Variants in KANK1 observed in about 807,000 individuals in gnomAD.
KANK1 encodes the protein KN motif and ankyrin repeat domain-containing protein 1.
KANK1 carries 109 observed loss-of-function variants against 106.2 expected under a neutral mutation model. The ratio of observed to expected loss-of-function variants is 1.03; its 90% CI spans 0.88 to 1.20. The LOEUF (loss-of-function observed/expected upper bound fraction) is 1.20. KANK1 is among the 50% of genes most tolerant of loss of function. The pLI is 0.00. For missense variants in KANK1, 2,399 were observed against 1,710.7 expected, an observed-to-expected ratio of 1.40 and a Z score of -7.10; for synonymous variants, 873 against 652.2, an observed-to-expected ratio of 1.34 and a Z score of -5.16.
intron 1 of KANK1, among the ~76,000 whole-genome samples, chr9:519,616 G>A (rs992633752): frequency 6.6e-5 from 10 of 151,648 alleles, no homozygotes; most frequent in South Asian, 2.1e-4. Flanking sequence ...GAATGATTTC[G>A]ACCTCTCATA....
intron 3 of KANK1, among the ~76,000 whole-genome samples, chr9:492,511 T>A (rs976297517): frequency 1.3e-4 from 20 of 152,150 alleles, no homozygotes; most frequent in African/African-American, 4.6e-4. Flanking sequence ...TTAGAGCTGT[T>A]AAGGGTTGCC....
At chr9:532,754 A>T (rs958190139) in intron 1 of KANK1, among the ~76,000 whole-genome samples, 1 of 152,112 alleles carries the variant, frequency 6.6e-6, no homozygotes, top group African/African-American at 2.4e-5. Context: ...AAGTGCGTAA[A>T]ACTGCTTCAG....
chr9:723,524 C>T lies in KANK1; in HGVS notation c.2699-6527C>T, dbSNP rs139107841. ...TCCTGTGTCCTAGCTACTCCAAAGG[C>T]CAAGGTGGGAGGATTGCTTGAGCCC... On this transcript the variant is annotated intron_variant, in intron 3 of 11. Transcript: ENST00000382297. Among the ~76,000 whole-genome samples the T allele has an allele frequency of 2.6e-5, 4 of 152,170 alleles. No individual in the cohort carries two copies. The East Asian group carries it at 5.8e-4, about 22-fold the overall frequency.
At chr9:561,377 A>G (rs369859161) in intron 1 of KANK1, among the ~76,000 whole-genome samples, 1 of 152,234 alleles carries the variant, frequency 6.6e-6, no homozygotes, top group Admixed American at 6.5e-5. Flanking sequence ...TTTAATGGCT[A>G]CATAGCATCT....
At chr9:588,218 TTC>T (rs765359104) in intron 1 of KANK1, among the ~76,000 whole-genome samples, 1 of 152,224 alleles carries the variant, frequency 6.6e-6, no homozygotes, top group Non-Finnish European at 1.5e-5. Context: ...AAATGCTTAT[TTC>T]TTTTTTCTAC....
chr9:732,940 G>T, intron 6 of KANK1: 2 of 194,854 alleles, frequency 1.0e-5, no homozygotes, highest in South Asian at 1.4e-4. Context: ...TTAATTTTTT[G>T]GTGGCCAGCC....
chr9:660,486 A>G (rs1342527295), intron 1 of KANK1, among the ~76,000 whole-genome samples: 1 of 152,168 alleles, frequency 6.6e-6, no homozygotes, highest in Non-Finnish European at 1.5e-5. Context: ...CATGCAGTAA[A>G]CTTGAAAGAG....
intron 1 of KANK1, among the ~76,000 whole-genome samples, chr9:675,187 T>C (rs1158259200): frequency 6.6e-6 from 1 of 152,176 alleles, no homozygotes; most frequent in Non-Finnish European, 1.5e-5. Context: ...TAGTATACAG[T>C]TTTGTTTTTC....
chr9:483,458 C>G (rs879389015), intron 3 of KANK1, among the ~76,000 whole-genome samples: 15 of 152,118 alleles, frequency 9.9e-5, no homozygotes, highest in Non-Finnish European at 1.5e-4. Context: ...TGAATAGTTG[C>G]TAGGAGTGAG....
chr9:701,477 C>G (rs528075440), intron 2 of KANK1, among the ~76,000 whole-genome samples: 6 of 152,182 alleles, frequency 3.9e-5, no homozygotes, highest in Non-Finnish European at 8.8e-5. Context: ...GTCCCCAGCA[C>G]AGGCTTTCTC....
intron 1 of KANK1, among the ~76,000 whole-genome samples, chr9:508,210 CT>C: frequency 1.5e-5 from 2 of 136,594 alleles, no homozygotes; most frequent in Middle Eastern, 0.01. Context: ...GTGATCTCAG[CT>C]CACTGCAACC....
chr9:615,816 A>G (rs1315838220), intron 1 of KANK1, among the ~76,000 whole-genome samples: 4 of 152,204 alleles, frequency 2.6e-5, no homozygotes, highest in African/African-American at 7.2e-5. Flanking sequence ...AACCTAGCTA[A>G]AGACCCATGA....
intron 1 of KANK1, among the ~76,000 whole-genome samples, chr9:621,343 AGT>A (rs1833099289): frequency 1.3e-5 from 2 of 152,146 alleles, no homozygotes; most frequent in Admixed American, 1.3e-4. Flanking sequence ...AGTAAAAACA[AGT>A]GTGAGCAAAG....
intron 1 of KANK1, among the ~76,000 whole-genome samples, chr9:576,129 C>G (rs1468637465): frequency 6.6e-6 from 1 of 152,202 alleles, no homozygotes; most frequent in Non-Finnish European, 1.5e-5. Flanking sequence ...TTTTTAGGCC[C>G]TATCAGACCT....
At position 745,432 on chromosome 9, in the gene KANK1, CT is replaced by C; in HGVS notation, c.*199del. On this transcript the variant is annotated 3_prime_UTR_variant, in exon 12 of 12. Coordinates refer to ENST00000382297, the MANE Select transcript of KANK1 (RefSeq NM_015158.5). ...GCACACACACCTCCTTTCTGGCCGT[CT>C]TCTGTGTAGGGCACACTTTAACCCA... 1.7e-6 allele frequency: 1 copy of C among 581,572 alleles called. No individual in the cohort carries two copies. The highest frequency in any genetic ancestry group is 3.0e-6 in the Non-Finnish European group (1 of 329,644). The allele number at this position is 581,572 out of a possible 1,614,324, so 36.0% of individuals were successfully genotyped here.
chr9:690,133 CAAA>C (rs57837964), intron 2 of KANK1, among the ~76,000 whole-genome samples: 10 of 61,650 alleles, frequency 1.6e-4, no homozygotes, highest in Non-Finnish European at 2.4e-4. Context: ...TCTAAAAATA[CAAA>C]AAAAAAAAAA....
intron 1 of KANK1, among the ~76,000 whole-genome samples, chr9:552,178 G>A (rs555213379): frequency 5.3e-5 from 8 of 152,316 alleles, no homozygotes; most frequent in East Asian, 1.9e-4. Flanking sequence ...GATTGGCAGC[G>A]GGTGCTCTGA....
chr9:539,140 C>G (rs746089785), intron 1 of KANK1, among the ~76,000 whole-genome samples: 3 of 152,194 alleles, frequency 2.0e-5, no homozygotes, highest in Non-Finnish European at 4.4e-5. Context: ...CTCGGCCTCC[C>G]TAAGTGCTGG....
At chr9:493,018 A>T (rs954849963) in intron 3 of KANK1, among the ~76,000 whole-genome samples, 1 of 143,258 alleles carries the variant, frequency 7.0e-6, no homozygotes, top group African/African-American at 2.8e-5. Flanking sequence ...ACAAGAACAA[A>T]ACTCCGTCTC....
Sources: gnomAD v4.1 joint callset for allele counts (sites outside exome capture counted in the v4.1 genomes callset) on GRCh38, gnomAD v4.1.1 for gene constraint, MANE v1.5 for transcripts, NCBI Gene and HGNC (gene_info 2026-07-23, HGNC 2026-07-21) for gene names.